CRYL1: variants seen among roughly 807,000 people sequenced by gnomAD.
The protein encoded by CRYL1 is crystallin lambda 1.
CRYL1 carries 29 observed loss-of-function variants against 36.6 expected under a neutral mutation model. That is an observed-to-expected ratio of 0.79 (90% CI 0.59 to 1.08). The LOEUF (loss-of-function observed/expected upper bound fraction) is 1.08. Among genes scored for constraint, CRYL1 ranks in the 50% least tolerant of loss-of-function variants. CRYL1 has a pLI of 0.00. For synonymous variants in CRYL1, 152 were observed against 151.5 expected (o/e 1.00, Z -0.02); for missense variants, 411 against 407.9 (o/e 1.01, Z -0.06).
chr13:20,432,092 G>A lies in CRYL1; in HGVS notation c.633+10C>T, dbSNP rs1565961899. On this transcript the variant is annotated intron_variant, in intron 5 of 7. Transcript: ENST00000298248. ...GAAGGGAGGGAGGGAGAGAGGACGG[G>A]CACACACACCTCCACTAGCCGCCAG... The A allele has an allele frequency of 3.7e-6, 6 of 1,613,904 alleles. No individual in the cohort carries two copies. In the Admixed American group the frequency reaches 5.0e-5, roughly 13 times the overall value.
chr13:20,454,663 C>A (rs1031053556), intron 3 of CRYL1, among the ~76,000 whole-genome samples: 2 of 152,176 alleles, frequency 1.3e-5, no homozygotes, highest in African/African-American at 2.4e-5. Context: ...TCATGATCCA[C>A]CCGCCTCGGC....
At chr13:20,496,384 C>T (rs867828748) in intron 2 of CRYL1, among the ~76,000 whole-genome samples, 1 of 152,218 alleles carries the variant, frequency 6.6e-6, no homozygotes, top group Middle Eastern at 3.4e-3. Context: ...GCAAAGATGG[C>T]CAAACTTCAT....
At chr13:20,436,966 A>T (rs996043584) in intron 4 of CRYL1, among the ~76,000 whole-genome samples, 3 of 151,978 alleles carry the variant, frequency 2.0e-5, no homozygotes, top group African/African-American at 7.3e-5. Context: ...TTCTGTAGGG[A>T]CTGCCTGTCC....
chr13:20,460,627 G>C (rs1277870765), intron 3 of CRYL1, among the ~76,000 whole-genome samples: 1 of 136,524 alleles, frequency 7.3e-6, no homozygotes, highest in Non-Finnish European at 1.5e-5. Context: ...CCGGGTTCAC[G>C]CCATTCTCCT....
intron 5 of CRYL1, chr13:20,418,268 G>A (rs772168742): frequency 1.3e-5 from 2 of 152,244 alleles, no homozygotes; most frequent in East Asian, 1.9e-4. Flanking sequence ...CCTCTCAGGG[G>A]ACAGATACCC....
chr13:20,447,693 G>T (rs2032486191), intron 3 of CRYL1, among the ~76,000 whole-genome samples: 1 of 152,130 alleles, frequency 6.6e-6, no homozygotes, highest in African/African-American at 2.4e-5. Flanking sequence ...AAAACCCTCT[G>T]GCCAACCAGT....
At chr13:20,506,579 C>T (rs141142307) in intron 2 of CRYL1, among the ~76,000 whole-genome samples, 2 of 152,060 alleles carry the variant, frequency 1.3e-5, no homozygotes, top group African/African-American at 4.8e-5. Context: ...CATTCAGCAT[C>T]ATCAGTCCTG....
At chr13:20,482,220 C>T (rs1188174624) in intron 3 of CRYL1, among the ~76,000 whole-genome samples, 1 of 152,234 alleles carries the variant, frequency 6.6e-6, no homozygotes, top group Admixed American at 6.5e-5. Context: ...AGTTGAGATG[C>T]AAATTCTGAT....
chr13:20,429,655 G>T (rs569250562), intron 5 of CRYL1, among the ~76,000 whole-genome samples: 65 of 152,284 alleles, frequency 4.3e-4, no homozygotes, highest in African/African-American at 1.5e-3. Flanking sequence ...GACGAGGCAC[G>T]GTTCTGCCGC....
intron 3 of CRYL1, among the ~76,000 whole-genome samples, chr13:20,471,656 C>G (rs2033063690): frequency 6.6e-6 from 1 of 151,990 alleles, no homozygotes; most frequent in Admixed American, 6.6e-5. Context: ...CTAATGGTTA[C>G]ATTAGGAAAC....
At chr13:20,524,781 GACA>G (rs1593509863) in intron 1 of CRYL1, among the ~76,000 whole-genome samples, 1 of 152,028 alleles carries the variant, frequency 6.6e-6, no homozygotes, top group Admixed American at 6.5e-5. Context: ...AAAGAAAGCT[GACA>G]ACAAGGAATC....
intron 1 of CRYL1, among the ~76,000 whole-genome samples, chr13:20,515,521 G>A (rs2033984687): frequency 6.6e-6 from 1 of 152,090 alleles, no homozygotes; most frequent in African/African-American, 2.4e-5. Context: ...TGTCACATTT[G>A]GCATAATGTA....
chr13:20,509,291 T>C (rs1398127926), intron 2 of CRYL1, among the ~76,000 whole-genome samples: 1 of 151,606 alleles, frequency 6.6e-6, no homozygotes, highest in Non-Finnish European at 1.5e-5. Flanking sequence ...TAGTGCTCTA[T>C]CAAGGGTTTT....
intron 4 of CRYL1, among the ~76,000 whole-genome samples, chr13:20,436,013 G>A (rs1361732423): frequency 6.6e-6 from 1 of 152,232 alleles, no homozygotes; most frequent in African/African-American, 2.4e-5. Flanking sequence ...GAGACGCACA[G>A]AGCACGGGCG....
rs1008540452 is a variant in CRYL1, at chr13:20,426,646, T to C, written c.633+5456A>G. 11 of 978,070 alleles carry C rather than the reference T, an allele frequency of 1.1e-5. No individual in the cohort carries two copies. In the Admixed American group the frequency reaches 6.2e-4, roughly 55 times the overall value. 60.6% of individuals were successfully genotyped at this position (978,070 alleles called of 1,614,324 possible). On this transcript the variant is annotated intron_variant, in intron 5 of 7. Coordinates refer to ENST00000298248, the MANE Select transcript of CRYL1 (RefSeq NM_015974.3). ...CAGAGCCAGGGACGTGGTATGTGCATACAAATGATATTCAACAGAAACCTT... is the reference window on the plus strand; with the variant it reads ...CAGAGCCAGGGACGTGGTATGTGCACACAAATGATATTCAACAGAAACCTT...
chr13:20,405,532 G>T (rs767053788), intron 6 of CRYL1, among the ~76,000 whole-genome samples: 1 of 152,240 alleles, frequency 6.6e-6, no homozygotes, highest in Non-Finnish European at 1.5e-5. Context: ...ACAGATCTCA[G>T]TTAGCACTGT....
chr13:20,475,072 T>G (rs1353806220), intron 3 of CRYL1, among the ~76,000 whole-genome samples: 1 of 152,180 alleles, frequency 6.6e-6, no homozygotes, highest in East Asian at 1.9e-4. Flanking sequence ...CGATGTCCAT[T>G]GCCCAGAGTG....
intron 5 of CRYL1, 90 bp downstream of exon 5, chr13:20,432,012 A>G (rs751772048): frequency 1.7e-5 from 28 of 1,602,040 alleles, no homozygotes; most frequent in South Asian, 1.0e-4. Context: ...TGCCCAAGGA[A>G]CAACTTTCAC....
rs56145129 is a variant in CRYL1, at chr13:20,510,611, CT to C, written c.149+1831del. 2.7e-3 allele frequency among the ~76,000 whole-genome samples: 368 copies of C among 133,888 alleles called. 3 individuals carry two copies. The highest frequency in any genetic ancestry group is 4.5e-3 in the African/African-American group (163 of 36,338). The allele number at this position is 133,888 out of a possible 152,430, so 87.8% of individuals were successfully genotyped here. On this transcript the variant is annotated intron_variant, in intron 2 of 7. Transcript: ENST00000298248. The stretch of plus-strand genomic sequence containing the variant: ...CATAGAGTGTAAACACCAAGTGAAT[CT>C]TTTTTTTTTTTTTTTTTCAAGACAG...
Sources: gnomAD v4.1 joint callset for allele counts (sites outside exome capture counted in the v4.1 genomes callset) on GRCh38, gnomAD v4.1.1 for gene constraint, MANE v1.5 for transcripts, NCBI Gene and HGNC (gene_info 2026-07-23, HGNC 2026-07-21) for gene names.